PBOV1: variants seen among roughly 807,000 people sequenced by gnomAD.
PBOV1 encodes prostate and breast cancer overexpressed gene 1 protein.
For synonymous variants in PBOV1, 46 were observed against 55.9 expected (o/e 0.82, Z 0.79); for missense variants, 147 against 151.4 (o/e 0.97, Z 0.15).
chr6:138,217,926 G>A lies in PBOV1; in HGVS notation c.*62C>T, dbSNP rs1777902365. On this transcript the variant is annotated 3_prime_UTR_variant, in exon 1 of 1. Coordinates refer to ENST00000527246, the MANE Select transcript of PBOV1 (RefSeq NM_021635.3). Reference sequence around the variant, plus strand: ...GGCTGGGCTTAAACAGTCATTGGTAGCAGAATTGCCTTTTCAACCATTTTT... The same window carrying A: ...GGCTGGGCTTAAACAGTCATTGGTAACAGAATTGCCTTTTCAACCATTTTT... 6.5e-7 allele frequency: 1 copy of A among 1,528,078 alleles called. No homozygotes were observed. Among genetic ancestry groups the A allele is most frequent in the Non-Finnish European group, 8.8e-7 (1 of 1,137,480 alleles). 94.7% of individuals were successfully genotyped at this position (1,528,078 alleles called of 1,614,324 possible). A position where few individuals can be genotyped will look rare whatever the true frequency, so the allele number is the denominator to read the frequency against.
chr6:138,216,798 G>A lies in PBOV1; in HGVS notation c.*1190C>T, dbSNP rs1293874361. ...GATGAAAAATATTTAACTCCTGAAT[G>A]TGTCGTTGTTGGAGGTTGATCTAAC... is the stretch of plus-strand genomic sequence containing the variant. On this transcript the variant is annotated 3_prime_UTR_variant, in exon 1 of 1. Transcript: ENST00000527246. 2.6e-5 allele frequency: 4 copies of A among 152,222 alleles called. No individual in the cohort carries two copies. Among genetic ancestry groups the A allele is most frequent in the Non-Finnish European group, 4.4e-5 (3 of 68,042 alleles). The allele number at this position is 152,222 out of a possible 1,614,324, so 9.4% of individuals were successfully genotyped here. A position where few individuals can be genotyped will look rare whatever the true frequency, so the allele number is the denominator to read the frequency against.
chr6:138,218,052 T>A lies in PBOV1; in HGVS notation c.344A>T (p.Gln115Leu). 1 of 1,613,584 alleles carries A rather than the reference T, an allele frequency of 6.2e-7. No individual in the cohort carries two copies. The highest frequency in any genetic ancestry group is 8.5e-7 in the Non-Finnish European group (1 of 1,179,692). ...ILFTLTLQLT[Q>L]TLGLECCLLY... ...AAGACAGCATTCCAGACCTAGGGTC[T>A]GAGTTAACTGCAAAGTCAATGTGAA... is the stretch of plus-strand genomic sequence containing the variant. The change falls in exon 1 of 1, where the codon CAG (glutamine) becomes CTG (leucine). Residue 115 changes from glutamine (Q) to leucine (L), a missense_variant. Gln to Leu is a moderately radical substitution (Grantham distance 113, BLOSUM62 -2). Coordinates refer to ENST00000527246, the MANE Select transcript of PBOV1 (RefSeq NM_021635.3).
Position 138,217,733 on chromosome 6 carries a change from A to C in PBOV1, c.*255T>G. On this transcript the variant is annotated 3_prime_UTR_variant, in exon 1 of 1. Transcript: ENST00000527246. ...GACAGAAACACATGTGGTAGTTTTT[A>C]ATGGCCCACTAGGATAAATAACAAA... The C allele has an allele frequency of 2.3e-6, 1 of 425,832 alleles. No individual in the cohort carries two copies. Among genetic ancestry groups the C allele is most frequent in the South Asian group, 6.3e-5 (1 of 15,778 alleles). 26.4% of individuals were successfully genotyped at this position (425,832 alleles called of 1,614,324 possible).
chr6:138,218,197 C>T lies in PBOV1; in HGVS notation c.199G>A (p.Glu67Lys). The T allele has an allele frequency of 1.9e-6, 3 of 1,613,912 alleles. No homozygotes were observed. The South Asian group carries it at 3.3e-5, about 18-fold the overall frequency. Residue 67 changes from glutamate (E) to lysine (K), a missense_variant, in exon 1 of 1, where the codon GAG becomes AAG. Physicochemically the swap from Glu to Lys is moderately conservative, Grantham distance 56. Transcript: ENST00000527246. ...EKVKRSQKATEFIDYSIEQSH... is the reference protein window; with the variant it reads ...EKVKRSQKATKFIDYSIEQSH... The stretch of plus-strand genomic sequence containing the variant: ...TGTTCTATGGAATAATCAATGAACT[C>T]TGTTGCCTTTTGACTTCTTTTTACT...
rs926351066 is a variant in PBOV1 at position 138,216,665 on chromosome 6, TTTGTC to T, written c.*1318_*1322del. The T allele has an allele frequency of 1.3e-5, 2 of 152,242 alleles. No homozygotes were observed. The highest frequency in any genetic ancestry group is 2.9e-5 in the Non-Finnish European group (2 of 68,046). The allele number at this position is 152,242 out of a possible 1,614,324, so 9.4% of individuals were successfully genotyped here. The stretch of plus-strand genomic sequence containing the variant: ...TGAAGTTTGAGAGTGAAATGGCTAA[TTTGTC>T]TTGCTGCTTATAACAGGGAGAAATC... On this transcript the variant is annotated 3_prime_UTR_variant, in exon 1 of 1. Transcript: ENST00000527246.
Position 138,218,478 on chromosome 6 carries a change from ATATATT to A in PBOV1, c.-89_-84del, listed in dbSNP as rs1777918367. 1 of 1,456,678 alleles carries A rather than the reference ATATATT, an allele frequency of 6.9e-7. No individual in the cohort carries two copies. Among genetic ancestry groups the A allele is most frequent in the East Asian group, 2.5e-5 (1 of 40,228 alleles). The allele number at this position is 1,456,678 out of a possible 1,614,324, so 90.2% of individuals were successfully genotyped here. A position where few individuals can be genotyped will look rare whatever the true frequency, so the allele number is the denominator to read the frequency against. On this transcript the variant is annotated 5_prime_UTR_variant, in exon 1 of 1. Transcript: ENST00000527246. ...TATTATACATCAATTAGCCACCTCGATATATTTAAGGTCCTAACCATCAGCCATGAT... is the reference window on the plus strand; with the variant it reads ...TATTATACATCAATTAGCCACCTCGATAAGGTCCTAACCATCAGCCATGAT...
rs1393515575 is a variant in PBOV1, at chr6:138,217,582, T to A, written c.*406A>T. 1 of 161,928 alleles carries A rather than the reference T, an allele frequency of 6.2e-6. No individual in the cohort carries two copies. The highest frequency in any genetic ancestry group is 1.8e-4 in the East Asian group (1 of 5,594). The allele number at this position is 161,928 out of a possible 1,614,324, so 10.0% of individuals were successfully genotyped here. The stretch of plus-strand genomic sequence containing the variant: ...TTGACTCAGGCATGACTTGAACATT[T>A]CACTAGTTACTAAGCGAAAATTAGT... On this transcript the variant is annotated 3_prime_UTR_variant, in exon 1 of 1. Coordinates refer to ENST00000527246, the MANE Select transcript of PBOV1 (RefSeq NM_021635.3).
chr6:138,218,348 A>G lies in PBOV1; in HGVS notation c.48T>C (p.Ile16=). Residue 16 remains isoleucine, a synonymous_variant, in exon 1 of 1, where the codon ATT becomes ATC. Coordinates refer to ENST00000527246, the MANE Select transcript of PBOV1 (RefSeq NM_021635.3). ...RNQKYEDMHN[I]IHILQIRKLR... ...ATTTTCTGATCTGTAAAATGTGAAT[A>G]ATATTGTGCATATCCTCATATTTCT... The G allele has an allele frequency of 6.4e-7, 1 of 1,552,596 alleles. No individual in the cohort carries two copies. Among genetic ancestry groups the G allele is most frequent in the Non-Finnish European group, 8.7e-7 (1 of 1,147,576 alleles).
At position 138,217,287 on chromosome 6, in the gene PBOV1, TG is replaced by T. The variant is rs1337988125; in HGVS notation, c.*700del. ...AGAGGCCCTCATCACTTACTCTGGA[TG>T]TTCTATAGATCCAAACAGAATGGGA... On this transcript the variant is annotated 3_prime_UTR_variant, in exon 1 of 1. Coordinates refer to ENST00000527246, the MANE Select transcript of PBOV1 (RefSeq NM_021635.3). The T allele has an allele frequency of 6.6e-6, 1 of 152,226 alleles. No homozygotes were observed. Among genetic ancestry groups the T allele is most frequent in the Non-Finnish European group, 1.5e-5 (1 of 68,032 alleles). 9.4% of individuals were successfully genotyped at this position (152,226 alleles called of 1,614,324 possible). A position where few individuals can be genotyped will look rare whatever the true frequency, so the allele number is the denominator to read the frequency against.
At position 138,216,499 on chromosome 6, in the gene PBOV1, G is replaced by C. The variant is rs368322752; in HGVS notation, c.*1489C>G. 12 of 152,298 alleles carry C rather than the reference G, an allele frequency of 7.9e-5. No homozygotes were observed. The East Asian group carries it at 1.4e-3, about 17-fold the overall frequency. The allele number at this position is 152,298 out of a possible 1,614,324, so 9.4% of individuals were successfully genotyped here. ...GCAAGAAACACGACAAAGGAAGAAA[G>C]ACTGTTTGAGTCCCCTCTCGGTAAT... On this transcript the variant is annotated 3_prime_UTR_variant, in exon 1 of 1. Transcript: ENST00000527246.
In PBOV1 at chr6:138,218,312, T is replaced by C; in HGVS notation, c.84A>G (p.Arg28=). 1.9e-6 allele frequency: 3 copies of C among 1,572,150 alleles called. No homozygotes were observed. Among genetic ancestry groups the C allele is most frequent in the Non-Finnish European group, 2.6e-6 (3 of 1,157,622 alleles). The change falls in exon 1 of 1, where the codon AGA becomes AGG. Residue 28 remains arginine (R), a synonymous_variant. Transcript: ENST00000527246. The stretch of plus-strand genomic sequence containing the variant: ...CTGGTAGCCTTGGGAAGTTACTTAA[T>C]CTGTGCCTCAATTTTCTGATCTGTA... The part of the protein sequence containing the change: ...HILQIRKLRH[R]LSNFPRLPGI...
rs541570057 is a variant in PBOV1 at position 138,216,687 on chromosome 6, G to A, written c.*1301C>T. 18 of 152,258 alleles carry A rather than the reference G, an allele frequency of 1.2e-4. No individual in the cohort carries two copies. Among genetic ancestry groups the A allele is most frequent in the African/African-American group, 3.9e-4 (16 of 41,548 alleles). 9.4% of individuals were successfully genotyped at this position (152,258 alleles called of 1,614,324 possible). On this transcript the variant is annotated 3_prime_UTR_variant, in exon 1 of 1. Transcript: ENST00000527246. ...TAATTTGTCTTGCTGCTTATAACAGGGAGAAATCTCTTCTTAGCCTGAAGC... is the reference window on the plus strand; with the variant it reads ...TAATTTGTCTTGCTGCTTATAACAGAGAGAAATCTCTTCTTAGCCTGAAGC...
rs1415191681 is a variant in PBOV1, at chr6:138,216,751, G to C, written c.*1237C>G. The C allele has an allele frequency of 6.6e-6, 1 of 152,194 alleles. No individual in the cohort carries two copies. The highest frequency in any genetic ancestry group is 2.4e-5 in the African/African-American group (1 of 41,436). The allele number at this position is 152,194 out of a possible 1,614,324, so 9.4% of individuals were successfully genotyped here. A position where few individuals can be genotyped will look rare whatever the true frequency, so the allele number is the denominator to read the frequency against. On this transcript the variant is annotated 3_prime_UTR_variant, in exon 1 of 1. Coordinates refer to ENST00000527246, the MANE Select transcript of PBOV1 (RefSeq NM_021635.3). The stretch of plus-strand genomic sequence containing the variant: ...CAGAAGATTTGTAGCAATCTCTAGC[G>C]TTAAGGAAAAATCCAATGTTTGATG...
Position 138,218,473 on chromosome 6 carries a change from C to T in PBOV1, c.-78G>A. 1.4e-6 allele frequency: 2 copies of T among 1,457,474 alleles called. No homozygotes were observed. The highest frequency in any genetic ancestry group is 1.8e-6 in the Non-Finnish European group (2 of 1,106,230). The allele number at this position is 1,457,474 out of a possible 1,614,324, so 90.3% of individuals were successfully genotyped here. A position where few individuals can be genotyped will look rare whatever the true frequency, so the allele number is the denominator to read the frequency against. On this transcript the variant is annotated 5_prime_UTR_variant, in exon 1 of 1. It adds an upstream start codon to the 5' untranslated region. Transcript: ENST00000527246. ...TAAATTATTATACATCAATTAGCCA[C>T]CTCGATATATTTAAGGTCCTAACCA...
Position 138,217,817 on chromosome 6 carries a change from G to T in PBOV1, c.*171C>A. The stretch of plus-strand genomic sequence containing the variant: ...TCAAGATTGAGAAAGATCAACATGG[G>T]TTTGTATTTTAGAATTGAAATAACC... On this transcript the variant is annotated 3_prime_UTR_variant, in exon 1 of 1. Transcript: ENST00000527246. The T allele has an allele frequency of 1.1e-6, 1 of 924,768 alleles. No individual in the cohort carries two copies. Among genetic ancestry groups the T allele is most frequent in the Non-Finnish European group, 1.5e-6 (1 of 656,926 alleles). 57.3% of individuals were successfully genotyped at this position (924,768 alleles called of 1,614,324 possible).
At position 138,218,143 on chromosome 6, in the gene PBOV1, G is replaced by T. The variant is rs1316706885; in HGVS notation, c.253C>A (p.Gln85Lys). ...GAACCTTTCATGGTCAAGTGTGTCT[G>T]CAAGGGTGTGAGAATTGCATGGTGT... ...QSHHAILTPL[Q>K]THLTMKGSSM... Residue 85 changes from glutamine to lysine, a missense_variant, in exon 1 of 1, where the codon CAG becomes AAG. Coordinates refer to ENST00000527246, the MANE Select transcript of PBOV1 (RefSeq NM_021635.3). The T allele has an allele frequency of 2.5e-6, 4 of 1,613,976 alleles. No individual in the cohort carries two copies. The highest frequency in any genetic ancestry group is 3.4e-6 in the Non-Finnish European group (4 of 1,179,852).
Position 138,218,388 on chromosome 6 carries a change from G to C in PBOV1, c.8C>G (p.Ala3Gly), listed in dbSNP as rs754390771. 6.5e-7 allele frequency: 1 copy of C among 1,536,526 alleles called. No homozygotes were observed. Among genetic ancestry groups the C allele is most frequent in the Non-Finnish European group, 8.8e-7 (1 of 1,140,332 alleles). Residue 3 changes from alanine (A) to glycine (G), a missense_variant, in exon 1 of 1, where the codon GCC becomes GGC. By Grantham distance (60) the Ala-to-Gly change is moderately conservative. Coordinates refer to ENST00000527246, the MANE Select transcript of PBOV1 (RefSeq NM_021635.3). MRAFLRNQKYEDM... is the reference protein window; with the variant it reads MRGFLRNQKYEDM... ...CTCATATTTCTGGTTCCTTAAGAAG[G>C]CCCTCATATTTACTACTGTAAATTG... is the stretch of plus-strand genomic sequence containing the variant.
At position 138,216,924 on chromosome 6, in the gene PBOV1, C is replaced by T. The variant is rs926382006; in HGVS notation, c.*1064G>A. The T allele has an allele frequency of 5.9e-5, 9 of 152,216 alleles. No individual in the cohort carries two copies. Among genetic ancestry groups the T allele is most frequent in the African/African-American group, 1.7e-4 (7 of 41,442 alleles). The allele number at this position is 152,216 out of a possible 1,614,324, so 9.4% of individuals were successfully genotyped here. A position where few individuals can be genotyped will look rare whatever the true frequency, so the allele number is the denominator to read the frequency against. ...TCTCAAACAGCCTTCCCTCTTCCTG[C>T]TCATAAGGTTGAGTGATGAGAATCT... On this transcript the variant is annotated 3_prime_UTR_variant, in exon 1 of 1. Coordinates refer to ENST00000527246, the MANE Select transcript of PBOV1 (RefSeq NM_021635.3).
Position 138,218,001 on chromosome 6 carries a change from G to C in PBOV1, c.395C>G (p.Pro132Arg), listed in dbSNP as rs768946669. ...CLLYLSKTIH[P>R]QII ...AGGGCTGAGAGTTTATATGATCTGT[G>C]GATGTATAGTTTTGGATAAGTAGAG... The change falls in exon 1 of 1, where the codon CCA (proline) becomes CGA (arginine). Residue 132 changes from proline (P) to arginine (R), a missense_variant. Physicochemically the swap from Pro to Arg is moderately radical, Grantham distance 103. Coordinates refer to ENST00000527246, the MANE Select transcript of PBOV1 (RefSeq NM_021635.3). 2 of 1,611,084 alleles carry C rather than the reference G, an allele frequency of 1.2e-6. No homozygotes were observed. Among genetic ancestry groups the C allele is most frequent in the Non-Finnish European group, 1.7e-6 (2 of 1,178,072 alleles).
Sources: allele counts gnomAD v4.1 joint callset, GRCh38; gene constraint gnomAD v4.1.1; transcripts MANE v1.5; gene names NCBI Gene and HGNC (gene_info 2026-07-23, HGNC 2026-07-21).